The following DAGLA variants were observed in gnomAD, a reference collection of about 807,000 sequenced individuals.
The protein encoded by DAGLA is diacylglycerol lipase-alpha.
Under a neutral mutation model 102.6 loss-of-function variants are expected in DAGLA, and 22 were observed. That is an observed-to-expected ratio of 0.21 (90% confidence interval 0.15 to 0.31). The LOEUF is 0.31. Among genes scored for constraint, DAGLA ranks in the 10% least tolerant of loss-of-function variants. The probability of loss-of-function intolerance (pLI) is 1.00; values close to 1 mark genes in which losing one functional copy is unlikely to be tolerated. For synonymous variants in DAGLA, 578 were observed against 628.9 expected (o/e 0.92, Z 1.21); for missense variants, 927 against 1,446.6 (o/e 0.64, Z 5.83).
intron 1 of DAGLA, among the ~76,000 whole-genome samples, chr11:61,702,458 G>A (rs2065116703): frequency 6.6e-6 from 1 of 152,198 alleles, no homozygotes; most frequent in Non-Finnish European, 1.5e-5. Context: ...GCCAGAGGCT[G>A]CAGACCCTTA....
chr11:61,692,449 C>T (rs769609936), intron 1 of DAGLA, among the ~76,000 whole-genome samples: 1 of 152,084 alleles, frequency 6.6e-6, no homozygotes, highest in Non-Finnish European at 1.5e-5. Context: ...AATATAGGTT[C>T]CTGAGCCCTG....
chr11:61,694,544 C>T (rs943595727), intron 1 of DAGLA, among the ~76,000 whole-genome samples: 2 of 152,218 alleles, frequency 1.3e-5, no homozygotes, highest in Non-Finnish European at 1.5e-5. Context: ...TGTGCCTCTG[C>T]GCCGGCTGCC....
intron 1 of DAGLA, among the ~76,000 whole-genome samples, chr11:61,697,759 C>T (rs1486068135): frequency 6.6e-6 from 1 of 152,120 alleles, no homozygotes; most frequent in Non-Finnish European, 1.5e-5. Context: ...TAGCTCAGTG[C>T]ACTCACTGCA....
At chr11:61,733,356 G>A (rs1051090981) in intron 9 of DAGLA, among the ~76,000 whole-genome samples, 2 of 152,188 alleles carry the variant, frequency 1.3e-5, no homozygotes, top group African/African-American at 4.8e-5. Flanking sequence ...TGCAGTGTGG[G>A]GGACCATGCT....
At chr11:61,739,407 G>T in intron 16 of DAGLA, 58 bp from the exon 17 acceptor site, 39 of 1,405,528 alleles carry the variant, frequency 2.8e-5, no homozygotes, top group South Asian at 2.2e-4. Flanking sequence ...CCCTGCCCCT[G>T]CCCCCCAGCC....
rs760476986 is a variant in DAGLA at position 61,723,420 on chromosome 11, A to G, written c.410-14A>G. The G allele has an allele frequency of 2.5e-6, 4 of 1,608,734 alleles. No homozygotes were observed. The highest frequency in any genetic ancestry group is 3.3e-5 in the Admixed American group (2 of 59,936). ...CCAGCGCCCCTACCTAATGCCTCCC[A>G]CTGCTGCCCGCAGGAATGGTTGTCT... On this transcript the variant is annotated splice_polypyrimidine_tract_variant and intron_variant, in intron 4 of 19. Transcript: ENST00000257215.
intron 6 of DAGLA, 118 bp downstream of exon 6, chr11:61,726,200 C>T: frequency 1.1e-6 from 1 of 926,996 alleles, no homozygotes; most frequent in South Asian, 1.4e-5. Context: ...AGCTGGGTTT[C>T]CAGCGTGAGC....
intron 5 of DAGLA, 55 bp downstream of exon 5, chr11:61,723,627 C>T (rs1382107677): frequency 1.8e-5 from 29 of 1,588,438 alleles, no homozygotes; most frequent in Non-Finnish European, 2.5e-5. Flanking sequence ...GTCTGGTGAG[C>T]AGAGGTCTCC....
intron 1 of DAGLA, among the ~76,000 whole-genome samples, chr11:61,691,753 T>A (rs1024354055): frequency 6.6e-6 from 1 of 152,172 alleles, no homozygotes; most frequent in African/African-American, 2.4e-5. Context: ...GGTGTTGGGA[T>A]GTAGGGTTGA....
At chr11:61,728,845 C>T (rs1007832646) in intron 7 of DAGLA, 86 bp from the exon 8 acceptor site, 24 of 1,196,896 alleles carry the variant, frequency 2.0e-5, no homozygotes, top group East Asian at 4.7e-5. Context: ...GGGAAGCAGG[C>T]GGACGCCAGG....
chr11:61,720,370 C>A, intron 2 of DAGLA, 120 bp downstream of exon 2: 1 of 995,394 alleles, frequency 1.0e-6, no homozygotes, highest in Non-Finnish European at 1.5e-6. Context: ...ATGCCCCCAG[C>A]TGCCCGGAGG....
chr11:61,725,009 C>T (rs1486224179), intron 5 of DAGLA, among the ~76,000 whole-genome samples: 16 of 152,026 alleles, frequency 1.1e-4, no homozygotes, highest in African/African-American at 1.9e-4. Context: ...CTTAGACACA[C>T]GGAGGAGCCA....
chr11:61,716,559 A>T (rs2065237173), intron 1 of DAGLA, among the ~76,000 whole-genome samples: 1 of 151,910 alleles, frequency 6.6e-6, no homozygotes, highest in Admixed American at 6.5e-5. Flanking sequence ...TTGTCAGCTG[A>T]GGGTGGGCTC....
intron 16 of DAGLA, 71 bp from the exon 17 acceptor site, chr11:61,739,394 T>TG: frequency 3.9e-6 from 4 of 1,019,940 alleles, no homozygotes; most frequent in Admixed American, 4.0e-5. Flanking sequence ...CCCTTCTCGG[T>TG]CCCCCTGCCC....
At chr11:61,740,152 C>T (rs2065464849) in intron 17 of DAGLA, among the ~76,000 whole-genome samples, 1 of 152,224 alleles carries the variant, frequency 6.6e-6, no homozygotes, top group East Asian at 1.9e-4. Flanking sequence ...CTCCTCCCTC[C>T]AGGGTCGGCT....
In DAGLA at chr11:61,726,063, G is replaced by C; in HGVS notation, c.617G>C (p.Arg206Pro). The C allele has an allele frequency of 1.9e-6, 3 of 1,612,600 alleles. No homozygotes were observed. The highest frequency in any genetic ancestry group is 2.5e-6 in the Non-Finnish European group (3 of 1,180,026). ...CTCAAAGTGTTCCTCTGCTGCACGCGGACGAAGGACTCCCAGTCAGTAAGT... is the reference window on the plus strand; with the variant it reads ...CTCAAAGTGTTCCTCTGCTGCACGCCGACGAAGGACTCCCAGTCAGTAAGT... ...RRLKVFLCCT[R>P]TKDSQSDAYS... Residue 206 changes from arginine to proline, a missense_variant, in exon 6 of 20, where the codon CGG becomes CCG. By Grantham distance (103) the Arg-to-Pro change is moderately radical. This residue lies in a region of DAGLA where 231 missense variants were observed against 439.8 expected (regional missense o/e 0.53). Coordinates refer to ENST00000257215, the MANE Select transcript of DAGLA (RefSeq NM_006133.3).
chr11:61,688,260 A>G (rs2065000168), intron 1 of DAGLA, among the ~76,000 whole-genome samples: 1 of 149,314 alleles, frequency 6.7e-6, no homozygotes, highest in African/African-American at 2.5e-5. Context: ...GCTTGCAGTG[A>G]GCCGAGGTCG....
At chr11:61,680,958 C>T (rs921789457) in intron 1 of DAGLA, among the ~76,000 whole-genome samples, 1 of 152,074 alleles carries the variant, frequency 6.6e-6, no homozygotes, top group Non-Finnish European at 1.5e-5. Flanking sequence ...ATGGTTCTGG[C>T]CTTGGGCTTG....
At chr11:61,738,317 G>T in intron 16 of DAGLA, 110 bp downstream of exon 16, 3 of 895,514 alleles carry the variant, frequency 3.4e-6, no homozygotes, top group Non-Finnish European at 3.4e-6. Context: ...TGGAAGGCCA[G>T]GGCAGGGTGT....
Sources: gnomAD v4.1 joint callset for allele counts (sites outside exome capture counted in the v4.1 genomes callset) on GRCh38, gnomAD v4.1.1 for gene constraint, gnomAD v4.1.1 regional missense constraint, MANE v1.5 for transcripts, NCBI Gene and HGNC (gene_info 2026-07-23, HGNC 2026-07-21) for gene names.